The following AGMO variants were observed in gnomAD, a reference collection of about 807,000 sequenced individuals.
AGMO encodes the protein glyceryl-ether monooxygenase.
Under a neutral mutation model 60.2 loss-of-function variants are expected in AGMO, and 75 were observed. The ratio of observed to expected loss-of-function variants is 1.25; its 90% CI spans 1.03 to 1.51. The LOEUF (loss-of-function observed/expected upper bound fraction) is 1.51, where lower values mean the gene tolerates loss of function less well. AGMO is among the 40% of genes most tolerant of loss of function. The probability of loss-of-function intolerance (pLI) is 0.00; values close to 1 mark genes in which losing one functional copy is unlikely to be tolerated. For missense variants in AGMO, 763 were observed against 525.5 expected (o/e 1.45, Z -4.42); for synonymous variants, 261 against 177.1 (o/e 1.47, Z -3.76).
intron 12 of AGMO, among the ~76,000 whole-genome samples, chr7:15,355,104 G>A (rs565689207): frequency 3.9e-5 from 6 of 152,156 alleles, no homozygotes; most frequent in Non-Finnish European, 8.8e-5. Flanking sequence ...ATATGATGTA[G>A]GGTGAATTTG....
chr7:15,383,974 C>A (rs1460402107), intron 10 of AGMO, among the ~76,000 whole-genome samples: 1 of 151,858 alleles, frequency 6.6e-6, no homozygotes, highest in Non-Finnish European at 1.5e-5. Context: ...CTCGCTCTGT[C>A]CCCCAGGCTG....
chr7:15,521,597 C>T (rs910031941), intron 3 of AGMO, among the ~76,000 whole-genome samples: 10 of 152,094 alleles, frequency 6.6e-5, no homozygotes, highest in Non-Finnish European at 2.9e-5. Context: ...TGACAAAAAA[C>T]ACATGATTAT....
intron 12 of AGMO, among the ~76,000 whole-genome samples, chr7:15,207,297 C>A (rs4719442): frequency 0.66 from 100,883 of 152,104 alleles, 34,516 homozygotes; most frequent in African/African-American, 0.85. Flanking sequence ...TAGATGCTAC[C>A]TTTCTCAAAA....
chr7:15,551,951 G>A (rs1225634463), intron 2 of AGMO, among the ~76,000 whole-genome samples: 1 of 151,534 alleles, frequency 6.6e-6, no homozygotes, highest in Admixed American at 6.6e-5. Flanking sequence ...AAAACAGCAT[G>A]GTACTGGTAC....
chr7:15,341,071 G>A (rs1050617569), intron 12 of AGMO, among the ~76,000 whole-genome samples: 5 of 152,144 alleles, frequency 3.3e-5, no homozygotes, highest in African/African-American at 1.2e-4. Flanking sequence ...GAGACATGGA[G>A]TCAAAGGAAA....
chr7:15,146,480 A>G, the AGMO span, among the ~76,000 whole-genome samples: 1 of 151,940 alleles, frequency 6.6e-6, no homozygotes. Flanking sequence ...ACAGAATACG[A>G]AGTGATTTTG....
At chr7:15,307,950 A>G (rs889154557) in intron 12 of AGMO, among the ~76,000 whole-genome samples, 13 of 152,054 alleles carry the variant, frequency 8.5e-5, no homozygotes, top group Non-Finnish European at 1.8e-4. Flanking sequence ...CAATCCTATT[A>G]GTTCCTAACG....
chr7:15,155,333 T>C, the AGMO span, among the ~76,000 whole-genome samples: 1 of 151,904 alleles, frequency 6.6e-6, no homozygotes, highest in Admixed American at 6.6e-5. Context: ...CCTATGTTGA[T>C]TCGAAGAAGC....
chr7:15,282,557 T>A (rs1207872850), intron 12 of AGMO, among the ~76,000 whole-genome samples: 1 of 152,050 alleles, frequency 6.6e-6, no homozygotes, highest in Non-Finnish European at 1.5e-5. Flanking sequence ...AAATGAGCAA[T>A]GTCTCCAAGA....
intron 12 of AGMO, among the ~76,000 whole-genome samples, chr7:15,206,942 A>G (rs73054538): frequency 0.049 from 7,533 of 152,252 alleles, 234 homozygotes; most frequent in South Asian, 0.089. Flanking sequence ...AGCTTAATTT[A>G]CACAACAAAT....
At chr7:15,366,023 A>AT (rs1159001097) in intron 11 of AGMO, 117 bp downstream of exon 11, 6 of 726,068 alleles carry the variant, frequency 8.3e-6, no homozygotes, top group Non-Finnish European at 1.3e-5. Flanking sequence ...AAATACCAAA[A>AT]TTTTATATTT....
intron 12 of AGMO, among the ~76,000 whole-genome samples, chr7:15,364,601 C>T (rs1042317286): frequency 2.0e-5 from 3 of 151,900 alleles, no homozygotes; most frequent in African/African-American, 7.3e-5. Flanking sequence ...CACCGATTCG[C>T]GTGTGTGAGT....
chr7:15,170,346 GAGAC>G, the AGMO span, among the ~76,000 whole-genome samples: 1 of 145,432 alleles, frequency 6.9e-6, no homozygotes, highest in East Asian at 2.3e-4. Context: ...TGTATAAAAG[GAGAC>G]AGAAATTTTG....
Position 15,543,772 on chromosome 7 carries a change from C to T in AGMO, c.409+1000G>A, listed in dbSNP as rs1156854110. ...TCTTTTTCATATAATGATTTCTTTT[C>T]CTCTGCGTAAAGAAGGAAAAGTAGA... On this transcript the variant is annotated intron_variant, in intron 3 of 12. Coordinates refer to ENST00000342526, the MANE Select transcript of AGMO (RefSeq NM_001004320.2). Among the ~76,000 whole-genome samples, 5 of 151,806 alleles carry T rather than the reference C, an allele frequency of 3.3e-5. No individual in the cohort carries two copies. The East Asian group carries it at 9.8e-4, about 30-fold the overall frequency.
chr7:15,179,068 C>T, the AGMO span, among the ~76,000 whole-genome samples: 6 of 152,142 alleles, frequency 3.9e-5, no homozygotes, highest in African/African-American at 7.2e-5. Flanking sequence ...TTTCTTAATG[C>T]TGTTACAATG....
chr7:15,147,000 T>C, the AGMO span, among the ~76,000 whole-genome samples: 1 of 152,258 alleles, frequency 6.6e-6, no homozygotes, highest in South Asian at 2.1e-4. Context: ...TGTTAAAATA[T>C]ATACACAAAA....
chr7:15,349,762 G>A (rs1303236495), intron 12 of AGMO, among the ~76,000 whole-genome samples: 1 of 152,094 alleles, frequency 6.6e-6, no homozygotes, highest in Non-Finnish European at 1.5e-5. Flanking sequence ...TTCACAGGGT[G>A]ACAGAAGAAA....
At chr7:15,222,417 G>C (rs936965251) in intron 12 of AGMO, among the ~76,000 whole-genome samples, 1 of 152,020 alleles carries the variant, frequency 6.6e-6, no homozygotes, top group Non-Finnish European at 1.5e-5. Context: ...GAAAAAGAAA[G>C]ACAGTGAGTG....
chr7:15,127,924 C>T, the AGMO span, among the ~76,000 whole-genome samples: 1 of 151,902 alleles, frequency 6.6e-6, no homozygotes, highest in Non-Finnish European at 1.5e-5. Flanking sequence ...GTGTTTTCTT[C>T]ACCCCTTTCT....
Sources: gnomAD v4.1 joint callset for allele counts (sites outside exome capture counted in the v4.1 genomes callset) on GRCh38, gnomAD v4.1.1 for gene constraint, MANE v1.5 for transcripts, NCBI Gene and HGNC (gene_info 2026-07-23, HGNC 2026-07-21) for gene names.